The following MED13 variants were observed in gnomAD, a reference collection of about 807,000 sequenced individuals.
MED13 encodes the protein mediator of RNA polymerase II transcription subunit 13.
In MED13, 23 loss-of-function variants were observed where a neutral mutation model predicts 225.2. The observed-to-expected ratio is 0.10, with a 90% CI of 0.07 to 0.14. The LOEUF is 0.14. MED13 is among the 10% of genes least tolerant of loss of function. The pLI is 1.00. For missense variants in MED13, 2,197 were observed against 2,594.5 expected (o/e 0.85, Z 3.33); for synonymous variants, 942 against 889.2 (o/e 1.06, Z -1.06).
At chr17:62,043,953 T>A (rs896196655) in intron 3 of MED13, among the ~76,000 whole-genome samples, 4 of 152,128 alleles carry the variant, frequency 2.6e-5, no homozygotes, top group African/African-American at 9.7e-5. Flanking sequence ...GTACATTAGA[T>A]GACAGGAAGA....
chr17:62,052,775 TAC>T (rs1212213673), intron 2 of MED13, 70 bp from the exon 3 acceptor site: 10 of 1,217,874 alleles, frequency 8.2e-6, no homozygotes, highest in Non-Finnish European at 1.0e-5. Context: ...TAAAAAAGGT[TAC>T]AGTTTAAACT....
At chr17:61,984,037 AATTG>A (rs1329769847) in intron 15 of MED13, 130 bp downstream of exon 15, 2 of 659,946 alleles carry the variant, frequency 3.0e-6, no homozygotes, top group Non-Finnish European at 4.6e-6. Flanking sequence ...CAATCACTAT[AATTG>A]ATTAACCAGA....
At chr17:61,948,815 G>C (rs931858503) in intron 28 of MED13, among the ~76,000 whole-genome samples, 1 of 151,392 alleles carries the variant, frequency 6.6e-6, no homozygotes, top group Non-Finnish European at 1.5e-5. Flanking sequence ...GGCCGGGCGC[G>C]GTGGCTCACG....
In MED13 at chr17:62,065,142, G is replaced by T; in HGVS notation, c.64C>A (p.Leu22Met). 1 of 1,571,508 alleles carries T rather than the reference G, an allele frequency of 6.4e-7. No individual in the cohort carries two copies. The highest frequency in any genetic ancestry group is 8.6e-7 in the Non-Finnish European group (1 of 1,160,710). Reference sequence around the variant, plus strand: ...CGCCCGCCGGCCCCGGCACTCACCAGGCAGAAGAGGTTACAGTGACAATCT... The same window carrying T: ...CGCCCGCCGGCCCCGGCACTCACCATGCAGAAGAGGTTACAGTGACAATCT... Reference protein sequence around the residue: ...LEDCHCNLFCLADLTGIKWKK... With the variant: ...LEDCHCNLFCMADLTGIKWKK... Residue 22 changes from leucine to methionine, a missense_variant and splice_region_variant, in exon 1 of 30, where the codon CTG becomes ATG. Around this residue, in one of 12 missense-constraint regions of MED13, gnomAD observed 884 missense variants for 918.5 expected, o/e 0.96. Coordinates refer to ENST00000397786, the MANE Select transcript of MED13 (RefSeq NM_005121.3).
At chr17:61,948,394 G>A (rs1446549736) in intron 28 of MED13, among the ~76,000 whole-genome samples, 2 of 152,162 alleles carry the variant, frequency 1.3e-5, no homozygotes, top group African/African-American at 2.4e-5. Flanking sequence ...TTGTAAAGTT[G>A]TGTTTCCTGA....
At position 61,995,320 on chromosome 17, in the gene MED13, T is replaced by C; in HGVS notation, c.2013A>G (p.Leu671=). ...GGTTTTTAATTTGATATTGCTGCACTAATTCATCAGAAACTTTTAAAGGTT... is the reference window on the plus strand; with the variant it reads ...GGTTTTTAATTTGATATTGCTGCACCAATTCATCAGAAACTTTTAAAGGTT... ...CKKPLKVSDE[L]VQQYQIKNQC... is the part of the protein sequence containing the mutation. Residue 671 remains leucine, a synonymous_variant, in exon 10 of 30, where the codon TTA becomes TTG. Transcript: ENST00000397786. 1 of 1,613,386 alleles carries C rather than the reference T, an allele frequency of 6.2e-7. No individual in the cohort carries two copies. Among genetic ancestry groups the C allele is most frequent in the East Asian group, 2.2e-5 (1 of 44,804 alleles).
intron 3 of MED13, 85 bp downstream of exon 3, chr17:62,052,452 A>C: frequency 4.8e-6 from 5 of 1,032,514 alleles, no homozygotes; most frequent in Non-Finnish European, 5.5e-6. Flanking sequence ...TCTGTATATT[A>C]GCTTGTTTTA....
chr17:62,006,957 T>G (rs2080454999), intron 9 of MED13: 1 of 147,044 alleles, frequency 6.8e-6, no homozygotes, highest in South Asian at 2.2e-4. Flanking sequence ...ATAGTAACAA[T>G]CAAGTCGGGC....
intron 3 of MED13, 72 bp from the exon 4 acceptor site, chr17:62,035,680 AG>A: frequency 3.4e-6 from 5 of 1,458,088 alleles, no homozygotes; most frequent in Non-Finnish European, 4.6e-6. Flanking sequence ...TTTCTTTATT[AG>A]GAAGTATGCA....
At chr17:62,042,912 G>T (rs1166599401) in intron 3 of MED13, among the ~76,000 whole-genome samples, 1 of 151,988 alleles carries the variant, frequency 6.6e-6, no homozygotes. Context: ...TACTTTGAGA[G>T]GCTGAGGCTG....
At chr17:61,990,811 A>C (rs2080291923) in intron 11 of MED13, among the ~76,000 whole-genome samples, 1 of 152,128 alleles carries the variant, frequency 6.6e-6, no homozygotes, top group African/African-American at 2.4e-5. Flanking sequence ...AGACATATTC[A>C]AAGTGGAGTC....
chr17:61,974,521 T>C (rs560690002), intron 16 of MED13, among the ~76,000 whole-genome samples: 9 of 151,216 alleles, frequency 6.0e-5, no homozygotes, highest in African/African-American at 1.7e-4. Context: ...ACCTTTTACT[T>C]AATATAACAA....
At position 62,064,740 on chromosome 17, in the gene MED13, A is replaced by G. The variant is rs192048536; in HGVS notation, c.66+400T>C. The stretch of plus-strand genomic sequence containing the variant: ...GTTTACATGGGGAAACCAAATTAAA[A>G]GGGTAAGACATAAAGGCGGTGGGGA... On this transcript the variant is annotated intron_variant, in intron 1 of 29. Coordinates refer to ENST00000397786, the MANE Select transcript of MED13 (RefSeq NM_005121.3). Among the ~76,000 whole-genome samples, 14 of 152,308 alleles carry G rather than the reference A, an allele frequency of 9.2e-5. No homozygotes were observed. The East Asian group carries it at 2.7e-3, about 29-fold the overall frequency.
rs1464622209 is a variant in MED13, at chr17:62,015,932, ATATATATATATATATATATATATTTTT to A, written c.1284-4726_1284-4700del. ...ACTATACACATATATATATATATAT[ATATATATATATATATATATATATTTTT>A]TTTTTTTTTTTTTTTTTTTTTTTTA... On this transcript the variant is annotated intron_variant, in intron 8 of 29. Transcript: ENST00000397786. 4.0e-3 allele frequency among the ~76,000 whole-genome samples: 31 copies of A among 7,714 alleles called. 2 individuals carry two copies. Among genetic ancestry groups the A allele is most frequent in the Non-Finnish European group, 6.9e-3 (20 of 2,880 alleles). The allele number at this position is 7,714 out of a possible 152,430, so 5.1% of individuals were successfully genotyped here.
At chr17:61,963,146 T>C (rs2080018494) in intron 20 of MED13, among the ~76,000 whole-genome samples, 175 bp from the exon 21 acceptor site, 1 of 118,472 alleles carries the variant, frequency 8.4e-6, no homozygotes, top group Non-Finnish European at 1.6e-5. Context: ...ACATTGTACA[T>C]ACAATTTCAC....
At chr17:62,055,296 A>G (rs1231164500) in intron 2 of MED13, among the ~76,000 whole-genome samples, 1 of 152,094 alleles carries the variant, frequency 6.6e-6, no homozygotes, top group African/African-American at 2.4e-5. Flanking sequence ...AGGCTGAGGC[A>G]TGAGAATCAC....
At chr17:62,022,174 A>ATATATATAT (rs1555640204) in intron 8 of MED13, among the ~76,000 whole-genome samples, 1 of 141,278 alleles carries the variant, frequency 7.1e-6, no homozygotes, top group Admixed American at 7.1e-5. Flanking sequence ...TCAAAAAAAA[A>ATATATATAT]ATATATATAT....
At chr17:62,017,219 T>TAAAAAAAAAAAAAAAAAAAAAAAAAAA (rs555881211) in intron 8 of MED13, among the ~76,000 whole-genome samples, 1 of 84,222 alleles carries the variant, frequency 1.2e-5, no homozygotes, top group Non-Finnish European at 2.5e-5. Flanking sequence ...ACTAAAATGC[T>TAAAAAAAAAAAAAAAAAAAAAAAAAAA]AAAAAAAAAA....
chr17:62,013,976 T>C (rs942619758), intron 8 of MED13, among the ~76,000 whole-genome samples: 4 of 151,726 alleles, frequency 2.6e-5, no homozygotes, highest in African/African-American at 9.7e-5. Context: ...GAGGTGGAGG[T>C]TGCAGCAAGC....
Sources: gnomAD v4.1 joint callset for allele counts (sites outside exome capture counted in the v4.1 genomes callset) on GRCh38, gnomAD v4.1.1 for gene constraint, gnomAD v4.1.1 regional missense constraint, MANE v1.5 for transcripts, NCBI Gene and HGNC (gene_info 2026-07-23, HGNC 2026-07-21) for gene names.